Variants in HDDC3 observed in about 807,000 individuals in gnomAD.
HDDC3 encodes guanosine-3',5'-bis(diphosphate) 3'-pyrophosphohydrolase MESH1.
Under a neutral mutation model 19.1 loss-of-function variants are expected in HDDC3, and 18 were observed. That is an observed-to-expected ratio of 0.94 (90% CI 0.65 to 1.40). The LOEUF (loss-of-function observed/expected upper bound fraction) is 1.40, where lower values mean the gene tolerates loss of function less well. Among genes scored for constraint, HDDC3 ranks in the 40% most tolerant of loss-of-function variants. The probability of loss-of-function intolerance (pLI) is 0.00; values close to 1 mark genes in which losing one functional copy is unlikely to be tolerated. For missense variants in HDDC3, 250 were observed against 228.9 expected, an observed-to-expected ratio of 1.09 and a Z score of -0.59; for synonymous variants, 107 against 99.4, an observed-to-expected ratio of 1.08 and a Z score of -0.46.
Position 90,931,274 on chromosome 15 carries a change from A to G in HDDC3, c.*1T>C. The G allele has an allele frequency of 6.4e-7, 1 of 1,550,582 alleles. No individual in the cohort carries two copies. The highest frequency in any genetic ancestry group is 2.4e-5 in the East Asian group (1 of 40,920). ...TGCCTCTGGATAGCTTCAAGCACTG[A>G]TCAGATTGTCAGCCCCCGCTGCTTG... is the stretch of plus-strand genomic sequence containing the variant. On this transcript the variant is annotated 3_prime_UTR_variant, in exon 4 of 4. Coordinates refer to ENST00000394272, the MANE Select transcript of HDDC3 (RefSeq NM_001286451.2).
chr15:90,931,522 GA>G, intron 3 of HDDC3, 117 bp from the exon 4 acceptor site: 1 of 1,614,188 alleles, frequency 6.2e-7, no homozygotes, highest in Non-Finnish European at 8.5e-7. Context: ...GAGCTGTCCT[GA>G]AAACTTCCCC....
At position 90,932,479 on chromosome 15, in the gene HDDC3, TGCCGGTG is replaced by T; in HGVS notation, c.55_61del (p.His19SerfsTer23). ...CCCCTCGGGGTCCTTCCGCCGCTGCTGCCGGTGCTTGCGAGCCGCGAAGTCGGCAGCC... is the reference window on the plus strand; with the variant it reads ...CCCCTCGGGGTCCTTCCGCCGCTGCTCTTGCGAGCCGCGAAGTCGGCAGCC... On this transcript the variant is annotated frameshift_variant, in exon 1 of 4. Coordinates refer to ENST00000394272, the MANE Select transcript of HDDC3 (RefSeq NM_001286451.2). LOFTEE classifies it high-confidence loss of function. 2 of 1,312,272 alleles carry T rather than the reference TGCCGGTG, an allele frequency of 1.5e-6. No individual in the cohort carries two copies. Among genetic ancestry groups the T allele is most frequent in the Non-Finnish European group, 9.7e-7 (1 of 1,031,236 alleles). 81.3% of individuals were successfully genotyped at this position (1,312,272 alleles called of 1,614,324 possible).
chr15:90,931,098 G>A lies in HDDC3; in HGVS notation c.*177C>T. On this transcript the variant is annotated 3_prime_UTR_variant, in exon 4 of 4. Transcript: ENST00000394272. ...TGGGTACATCTGATTCCCACCACGC[G>A]GGGCTCAGCTTAGTTAGCAGGAGAC... 1.5e-6 allele frequency: 1 copy of A among 673,756 alleles called. No homozygotes were observed. The highest frequency in any genetic ancestry group is 2.8e-5 in the East Asian group (1 of 35,212). The allele number at this position is 673,756 out of a possible 1,614,324, so 41.7% of individuals were successfully genotyped here.
chr15:90,932,398 G>A (rs771553834), intron 1 of HDDC3, 31 bp downstream of exon 1: 5 of 1,275,158 alleles, frequency 3.9e-6, no homozygotes, highest in South Asian at 2.0e-5. Flanking sequence ...CCCAGGTGCC[G>A]CAGCCGGCGC....
rs1390624312 is a variant in HDDC3, at chr15:90,932,070, G to A, written c.153C>T (p.Asp51=). 1 of 1,611,806 alleles carries A rather than the reference G, an allele frequency of 6.2e-7. No homozygotes were observed. Among genetic ancestry groups the A allele is most frequent in the South Asian group, 1.1e-5 (1 of 90,750 alleles). The change falls in exon 2 of 4, where the codon GAC becomes GAT. Residue 51 remains aspartate (D), a synonymous_variant. Transcript: ENST00000394272. ...GGAAAGTTACCTGTAACACCACAATGTCAGTGATTCCCGCCTCGTGGGTCA... is the reference window on the plus strand; with the variant it reads ...GGAAAGTTACCTGTAACACCACAATATCAGTGATTCCCGCCTCGTGGGTCA... ...RILTHEAGIT[D]IVVLQAALLH...
Position 90,930,936 on chromosome 15 carries a change from T to G in HDDC3, c.*339A>C, listed in dbSNP as rs1020309451. 3.7e-6 allele frequency: 1 copy of G among 269,194 alleles called. No individual in the cohort carries two copies. Among genetic ancestry groups the G allele is most frequent in the Non-Finnish European group, 7.3e-6 (1 of 137,406 alleles). 16.7% of individuals were successfully genotyped at this position (269,194 alleles called of 1,614,324 possible). A position where few individuals can be genotyped will look rare whatever the true frequency, so the allele number is the denominator to read the frequency against. On this transcript the variant is annotated 3_prime_UTR_variant, in exon 4 of 4. Transcript: ENST00000394272. ...CAGCAGCTTAAACCTTAACCCAGAG[T>G]TATTTTTATTTTCCAGAACGTGTTA...
chr15:90,931,931 T>C lies in HDDC3; in HGVS notation c.182A>G (p.His61Arg), dbSNP rs932374912. 2 of 1,613,940 alleles carry C rather than the reference T, an allele frequency of 1.2e-6. No individual in the cohort carries two copies. The highest frequency in any genetic ancestry group is 1.1e-5 in the South Asian group (1 of 91,082). Reference sequence around the variant, plus strand: ...GGTGTCTGTGTCCTCCACCGTGTCATGGAGCAGGGCCGCCTGGGGACAAGT... The same window carrying C: ...GGTGTCTGTGTCCTCCACCGTGTCACGGAGCAGGGCCGCCTGGGGACAAGT... ...DIVVLQAALL[H>R]DTVEDTDTTL... The change falls in exon 3 of 4, where the codon CAT becomes CGT. Residue 61 changes from histidine to arginine, a missense_variant. Transcript: ENST00000394272.
rs1378281990 is a variant in HDDC3, at chr15:90,931,955, G to A, written c.169-11C>T. 2 of 1,613,812 alleles carry A rather than the reference G, an allele frequency of 1.2e-6. No individual in the cohort carries two copies. Among genetic ancestry groups the A allele is most frequent in the South Asian group, 2.2e-5 (2 of 91,064 alleles). ...ATGGAGCAGGGCCGCCTGGGGACAA[G>A]TTCCCACTCAGCCCTGAGATGTCAG... On this transcript the variant is annotated splice_polypyrimidine_tract_variant and intron_variant, in intron 2 of 3. Transcript: ENST00000394272.
intron 1 of HDDC3, 37 bp from the exon 2 acceptor site, chr15:90,932,147 G>A: frequency 6.4e-7 from 1 of 1,564,054 alleles, no homozygotes; most frequent in Non-Finnish European, 8.7e-7. Context: ...TCAGGTCGGA[G>A]GTAGTCCCAA....
In HDDC3 at chr15:90,931,822, C is replaced by G. The variant is rs2035805056; in HGVS notation, c.291G>C (p.Lys97Asn). Residue 97 changes from lysine (K) to asparagine (N), a missense_variant, in exon 3 of 4, where the codon AAG becomes AAC. Lys to Asn is a moderately conservative substitution (Grantham distance 94, BLOSUM62 0). Transcript: ENST00000394272. The stretch of plus-strand genomic sequence containing the variant: ...CCACCTGCAGCCTCTTTCTCTCCAG[C>G]TTGGGCAGAGTCTTGTCATCTGTTA... ...EEVTDDKTLPKLERKRLQVEQ... is the reference protein window; with the variant it reads ...EEVTDDKTLPNLERKRLQVEQ... 1.2e-6 allele frequency: 2 copies of G among 1,614,162 alleles called. No homozygotes were observed. The highest frequency in any genetic ancestry group is 1.7e-6 in the Non-Finnish European group (2 of 1,180,026).
chr15:90,932,342 C>A, intron 1 of HDDC3, 87 bp downstream of exon 1: 1 of 857,734 alleles, frequency 1.2e-6, no homozygotes, highest in East Asian at 3.0e-5. Context: ...AAAACAGGTG[C>A]TCAATGAGGT....
At position 90,931,772 on chromosome 15, in the gene HDDC3, C is replaced by T; in HGVS notation, c.341G>A (p.Gly114Glu). Reference protein sequence around the residue: ...QVEQAPHSSPGAKLVKLADKL... With the variant: ...QVEQAPHSSPEAKLVKLADKL... ...GTCTGCCAGCTTCACCAGTTTGGCC[C>T]CGGGGCTACTGTGGGGCGCTTGCTC... is the stretch of plus-strand genomic sequence containing the variant. Residue 114 changes from glycine to glutamate, a missense_variant, in exon 3 of 4, where the codon GGG (glycine) becomes GAG (glutamate). Gly to Glu is a moderately conservative substitution (Grantham distance 98). Transcript: ENST00000394272. The T allele has an allele frequency of 1.9e-6, 3 of 1,614,108 alleles. No individual in the cohort carries two copies. The highest frequency in any genetic ancestry group is 1.1e-5 in the South Asian group (1 of 91,076).
intron 3 of HDDC3, 67 bp downstream of exon 3, chr15:90,931,637 A>AC: frequency 6.2e-7 from 1 of 1,614,074 alleles, no homozygotes; most frequent in Non-Finnish European, 8.5e-7. Context: ...AGGGGAACTG[A>AC]CCAACATGTG....
In HDDC3 at chr15:90,931,168, T is replaced by C. The variant is rs1242101520; in HGVS notation, c.*107A>G. On this transcript the variant is annotated 3_prime_UTR_variant, in exon 4 of 4. Coordinates refer to ENST00000394272, the MANE Select transcript of HDDC3 (RefSeq NM_001286451.2). ...GCAAGTCTTTTTTTGGCCTCTAATA[T>C]CTGGGAAGGATGGAGGGAGCTCAGG... The C allele has an allele frequency of 1.5e-5, 21 of 1,366,218 alleles. No homozygotes were observed. The highest frequency in any genetic ancestry group is 2.1e-5 in the Non-Finnish European group (21 of 1,001,270). 84.6% of individuals were successfully genotyped at this position (1,366,218 alleles called of 1,614,324 possible). A position where few individuals can be genotyped will look rare whatever the true frequency, so the allele number is the denominator to read the frequency against.
Position 90,931,149 on chromosome 15 carries a change from CT to C in HDDC3, c.*125del, listed in dbSNP as rs2035774956. 2.2e-5 allele frequency: 26 copies of C among 1,202,372 alleles called. No individual in the cohort carries two copies. The highest frequency in any genetic ancestry group is 2.6e-5 in the East Asian group (1 of 38,820). 74.5% of individuals were successfully genotyped at this position (1,202,372 alleles called of 1,614,324 possible). On this transcript the variant is annotated 3_prime_UTR_variant, in exon 4 of 4. Transcript: ENST00000394272. ...CTTCAGACTGAGAAAAAATGCAAGT[CT>C]TTTTTTGGCCTCTAATATCTGGGAA...
In HDDC3 at chr15:90,929,991, A is replaced by T. The variant is rs2035734541; in HGVS notation, c.*1284T>A. On this transcript the variant is annotated 3_prime_UTR_variant, in exon 4 of 4. Transcript: ENST00000394272. ...ACTTAATAAACTTTGGCTTTAATGG[A>T]TGACTGGATGCAGAATAAAATACAT... The T allele has an allele frequency of 6.6e-6, 1 of 152,158 alleles. No individual in the cohort carries two copies. Among genetic ancestry groups the T allele is most frequent in the Non-Finnish European group, 1.5e-5 (1 of 68,036 alleles). The allele number at this position is 152,158 out of a possible 1,614,324, so 9.4% of individuals were successfully genotyped here.
intron 3 of HDDC3, 148 bp from the exon 4 acceptor site, chr15:90,931,553 T>C (rs768081934): frequency 1.9e-6 from 3 of 1,614,156 alleles, no homozygotes; most frequent in South Asian, 1.1e-5. Flanking sequence ...CTATTGTATT[T>C]TTACTGTATG....
At position 90,931,278 on chromosome 15, in the gene HDDC3, G is replaced by C. The variant is rs1196451828; in HGVS notation, c.537C>G (p.Ile179Met). 2 of 1,550,230 alleles carry C rather than the reference G, an allele frequency of 1.3e-6. No homozygotes were observed. Among genetic ancestry groups the C allele is most frequent in the Non-Finnish European group, 1.7e-6 (2 of 1,146,664 alleles). Residue 179 changes from isoleucine to methionine, a missense_variant, in exon 4 of 4, where the codon ATC becomes ATG. Ile to Met is a conservative substitution (Grantham distance 10, BLOSUM62 1). Coordinates refer to ENST00000394272, the MANE Select transcript of HDDC3 (RefSeq NM_001286451.2). ...TCTGGATAGCTTCAAGCACTGATCA[G>C]ATTGTCAGCCCCCGCTGCTTGAACA... Reference protein sequence around the residue: ...KHLFKQRGLTI With the variant: ...KHLFKQRGLTM
Position 90,931,229 on chromosome 15 carries a change from C to T in HDDC3, c.*46G>A, listed in dbSNP as rs2035777394. On this transcript the variant is annotated 3_prime_UTR_variant, in exon 4 of 4. Transcript: ENST00000394272. ...AAGATGGCGTATGAATCCTGTCCGG[C>T]CTGAACGAGGCTGGAGTTGTGCCTC... is the stretch of plus-strand genomic sequence containing the variant. 6.5e-7 allele frequency: 1 copy of T among 1,548,208 alleles called. No homozygotes were observed. Among genetic ancestry groups the T allele is most frequent in the Non-Finnish European group, 8.7e-7 (1 of 1,145,040 alleles).
Sources: allele counts gnomAD v4.1 joint callset, GRCh38; gene constraint gnomAD v4.1.1; transcripts MANE v1.5; gene names NCBI Gene and HGNC (gene_info 2026-07-23, HGNC 2026-07-21).